The following STARD13 variants were observed in gnomAD, a reference collection of about 807,000 sequenced individuals.
STARD13 encodes StAR related lipid transfer domain containing 13.
In STARD13, 62 loss-of-function variants were observed where a neutral mutation model predicts 106.4. The ratio of observed to expected loss-of-function variants is 0.58; its 90% confidence interval spans 0.48 to 0.72. The LOEUF (loss-of-function observed/expected upper bound fraction) is 0.72. Ranked by LOEUF, STARD13 falls within the 30% of genes least tolerant of loss-of-function variation. The probability of loss-of-function intolerance (pLI) is 0.00; values close to 1 mark genes in which losing one functional copy is unlikely to be tolerated. For synonymous variants in STARD13, 565 were observed against 553.0 expected (o/e 1.02, Z -0.31); for missense variants, 1,387 against 1,424.0 (o/e 0.97, Z 0.42).
the STARD13 span, among the ~76,000 whole-genome samples, chr13:33,515,993 C>T: frequency 1.3e-5 from 2 of 151,898 alleles, no homozygotes; most frequent in South Asian, 4.2e-4. Flanking sequence ...TATAGCCTTT[C>T]GTTAGCCAAT....
At chr13:33,255,571 A>T (rs1222977781) in intron 1 of STARD13, among the ~76,000 whole-genome samples, 1 of 152,100 alleles carries the variant, frequency 6.6e-6, no homozygotes, top group African/African-American at 2.4e-5. Context: ...GTTTTTTCAC[A>T]GAGATGATTC....
chr13:33,190,992 C>T lies in STARD13; in HGVS notation c.170-23370G>A, dbSNP rs187974016. Among the ~76,000 whole-genome samples the T allele has an allele frequency of 4.6e-5, 7 of 152,134 alleles. No individual in the cohort carries two copies. The East Asian group carries it at 1.3e-3, about 29-fold the overall frequency. On this transcript the variant is annotated intron_variant, in intron 1 of 13. Transcript: ENST00000336934. ...TTTCAAAAATACAAAAACAAAATACCAAGTATTACTGCAATGCCTTATTAT... is the reference window on the plus strand; with the variant it reads ...TTTCAAAAATACAAAAACAAAATACTAAGTATTACTGCAATGCCTTATTAT...
chr13:33,538,771 A>T, the STARD13 span, among the ~76,000 whole-genome samples: 87 of 143,130 alleles, frequency 6.1e-4, 1 homozygote, highest in East Asian at 0.015. Context: ...AAACTATTTA[A>T]TTTTTTTTTT....
Position 33,141,546 on chromosome 13 carries a change from C to T in STARD13, c.387+764G>A, listed in dbSNP as rs369488670. ...AGCTTAGTGACTTTTCGGACTGAAC[C>T]GAATTCCTTGTGGCTAGAGACAAGT... On this transcript the variant is annotated intron_variant, in intron 4 of 13. Transcript: ENST00000336934. 9.8e-4 allele frequency among the ~76,000 whole-genome samples: 149 copies of T among 152,190 alleles called. 7 individuals carry two copies. The South Asian group carries it at 0.028, about 28-fold the overall frequency.
chr13:33,399,138 T>C, the STARD13 span, among the ~76,000 whole-genome samples: 2 of 152,116 alleles, frequency 1.3e-5, no homozygotes, highest in African/African-American at 4.8e-5. Flanking sequence ...ATTCACACAA[T>C]GGAGTATTAT....
At chr13:33,568,561 T>G in the STARD13 span, among the ~76,000 whole-genome samples, 1 of 147,994 alleles carries the variant, frequency 6.8e-6, no homozygotes, top group South Asian at 2.2e-4. Flanking sequence ...CTAATCTAGT[T>G]GTGTTACCAT....
chr13:33,118,306 G>T, intron 7 of STARD13, 43 bp from the exon 8 acceptor site: 2 of 1,555,500 alleles, frequency 1.3e-6, no homozygotes, highest in African/African-American at 2.7e-5. Context: ...GCCACACTTG[G>T]TTGTGAGGAG....
At chr13:33,137,813 A>G (rs1240493191) in intron 4 of STARD13, among the ~76,000 whole-genome samples, 1 of 152,122 alleles carries the variant, frequency 6.6e-6, no homozygotes, top group Non-Finnish European at 1.5e-5. Flanking sequence ...AAGGCTGTTA[A>G]TACTCTCCAG....
intron 1 of STARD13, among the ~76,000 whole-genome samples, chr13:33,343,122 G>A (rs2077978835): frequency 6.6e-6 from 1 of 152,160 alleles, no homozygotes; most frequent in Non-Finnish European, 1.5e-5. Context: ...CAAAGCTAAT[G>A]GAGCCAACAG....
chr13:33,280,306 A>T (rs1891709488), intron 1 of STARD13: 1 of 152,180 alleles, frequency 6.6e-6, no homozygotes, highest in Admixed American at 6.5e-5. Flanking sequence ...GAAATTTTTA[A>T]AAGGCAGTAT....
At chr13:33,620,640 A>G in the STARD13 span, among the ~76,000 whole-genome samples, 1 of 152,062 alleles carries the variant, frequency 6.6e-6, no homozygotes, top group Non-Finnish European at 1.5e-5. Context: ...ACTTTGTCTT[A>G]ACACATTTCA....
chr13:33,465,241 T>C, the STARD13 span, among the ~76,000 whole-genome samples: 11 of 144,604 alleles, frequency 7.6e-5, no homozygotes, highest in African/African-American at 2.9e-4. Flanking sequence ...CATCTCACTC[T>C]GTCACCCAGC....
At chr13:33,207,081 T>C (rs1454787123) in intron 1 of STARD13, among the ~76,000 whole-genome samples, 1 of 152,220 alleles carries the variant, frequency 6.6e-6, no homozygotes, top group East Asian at 1.9e-4. Context: ...AATATACATG[T>C]TTAATCTGGC....
At chr13:33,658,561 G>A in the STARD13 span, among the ~76,000 whole-genome samples, 4 of 152,170 alleles carry the variant, frequency 2.6e-5, no homozygotes, top group South Asian at 6.2e-4. Context: ...CTCTTAGTCT[G>A]GAGTATCTTT....
intron 1 of STARD13, among the ~76,000 whole-genome samples, chr13:33,312,847 T>C (rs1594250386): frequency 6.6e-6 from 1 of 152,206 alleles, no homozygotes; most frequent in African/African-American, 2.4e-5. Flanking sequence ...ACATTTGTAA[T>C]AATAAACAAC....
intron 1 of STARD13, chr13:33,180,534 A>G (rs1401548609): frequency 6.6e-6 from 1 of 152,196 alleles, no homozygotes; most frequent in Admixed American, 6.5e-5. Flanking sequence ...AAGTAAGTAA[A>G]TTGTGAGCAA....
At chr13:33,613,551 G>A in the STARD13 span, among the ~76,000 whole-genome samples, 1 of 152,226 alleles carries the variant, frequency 6.6e-6, no homozygotes, top group South Asian at 2.1e-4. Flanking sequence ...AGCAGGAATG[G>A]CCTGGCTTAG....
At chr13:33,134,688 C>T (rs1259654346) in intron 4 of STARD13, among the ~76,000 whole-genome samples, 1 of 152,042 alleles carries the variant, frequency 6.6e-6, no homozygotes, top group Non-Finnish European at 1.5e-5. Context: ...CATATAAACC[C>T]TAAAGTGGTA....
At chr13:33,424,929 A>G in the STARD13 span, among the ~76,000 whole-genome samples, 1 of 152,208 alleles carries the variant, frequency 6.6e-6, no homozygotes, top group East Asian at 1.9e-4. Context: ...GTTTGCTTCC[A>G]CAATTAAAAG....
Sources: allele counts gnomAD v4.1 joint callset (sites outside exome capture counted in the v4.1 genomes callset), GRCh38; gene constraint gnomAD v4.1.1; transcripts MANE v1.5; gene names NCBI Gene and HGNC (gene_info 2026-07-23, HGNC 2026-07-21).